The following STEAP3 variants were observed in gnomAD, a reference collection of about 807,000 sequenced individuals.
STEAP3 encodes the protein metalloreductase STEAP3.
In STEAP3, 35 loss-of-function variants were observed where a neutral mutation model predicts 34.9. The ratio of observed to expected loss-of-function variants is 1.00; its 90% CI spans 0.76 to 1.33. The LOEUF (loss-of-function observed/expected upper bound fraction) is 1.33, where lower values mean the gene tolerates loss of function less well. STEAP3 is among the 40% of genes most tolerant of loss of function. STEAP3 has a pLI of 0.00. For synonymous variants in STEAP3, 281 were observed against 301.6 expected (o/e 0.93, Z 0.71); for missense variants, 652 against 667.6 (o/e 0.98, Z 0.26).
rs902854053 is a variant in STEAP3 at position 119,246,106 on chromosome 2, A to G, written c.522+118A>G. On this transcript the variant is annotated intron_variant, in intron 3 of 5. Transcript: ENST00000393110. ...TCATAACTAATCCTGCATCACTGCA[A>G]AATTCCATTTTACAGAACAGGAAAT... 3.0e-6 allele frequency: 4 copies of G among 1,348,150 alleles called. No homozygotes were observed. The African/African-American group carries it at 5.8e-5, about 20-fold the overall frequency. The allele number at this position is 1,348,150 out of a possible 1,614,324, so 83.5% of individuals were successfully genotyped here.
At chr2:119,243,561 G>A (rs1677314488) in intron 2 of STEAP3, among the ~76,000 whole-genome samples, 1 of 152,206 alleles carries the variant, frequency 6.6e-6, no homozygotes, top group Admixed American at 6.5e-5. Context: ...GAGGACCAGA[G>A]GCCCATCACC....
rs934622234 is a variant in STEAP3, at chr2:119,265,332, G to A, written c.*1994G>A. 6.6e-6 allele frequency: 1 copy of A among 152,246 alleles called. No individual in the cohort carries two copies. The highest frequency in any genetic ancestry group is 2.4e-5 in the African/African-American group (1 of 41,438). The allele number at this position is 152,246 out of a possible 1,614,324, so 9.4% of individuals were successfully genotyped here. ...GCAATTATAAGGTGGGTGGCAGGAG[G>A]GAACAGGTGCCACCTGCTGGACAAT... On this transcript the variant is annotated 3_prime_UTR_variant, in exon 6 of 6. Coordinates refer to ENST00000393110, the MANE Select transcript of STEAP3 (RefSeq NM_182915.3).
chr2:119,249,478 G>A (rs773380275), intron 4 of STEAP3, among the ~76,000 whole-genome samples: 6 of 152,108 alleles, frequency 3.9e-5, no homozygotes, highest in Non-Finnish European at 7.4e-5. Context: ...ACTCCAGGAC[G>A]CTAGTCACCC....
intron 2 of STEAP3, among the ~76,000 whole-genome samples, chr2:119,238,972 G>C (rs777169927): frequency 6.6e-6 from 1 of 152,156 alleles, no homozygotes; most frequent in Non-Finnish European, 1.5e-5. Context: ...TCAGGGAAGT[G>C]GGGGCGGGGG....
chr2:119,258,618 T>C (rs1227742658), intron 5 of STEAP3, among the ~76,000 whole-genome samples: 1 of 115,538 alleles, frequency 8.7e-6, no homozygotes, highest in Non-Finnish European at 1.8e-5. Context: ...TTTTTTTTTT[T>C]TTTTTTTGAG....
At chr2:119,224,291 G>T (rs919182274) in intron 1 of STEAP3, among the ~76,000 whole-genome samples, 1 of 152,210 alleles carries the variant, frequency 6.6e-6, no homozygotes, top group Non-Finnish European at 1.5e-5. Context: ...AGCTGTGGGC[G>T]GGGATCTTCC....
chr2:119,237,423 T>C (rs1677123541), intron 2 of STEAP3, among the ~76,000 whole-genome samples: 1 of 152,028 alleles, frequency 6.6e-6, no homozygotes, highest in African/African-American at 2.4e-5. Context: ...AGGAAACTAA[T>C]ACAGTGAGAA....
intron 4 of STEAP3, among the ~76,000 whole-genome samples, 177 bp from the exon 5 acceptor site, chr2:119,254,507 G>A (rs1426923790): frequency 6.6e-6 from 1 of 152,132 alleles, no homozygotes; most frequent in Non-Finnish European, 1.5e-5. Flanking sequence ...TCTACTTTGT[G>A]GGGTGGTTTT....
intron 5 of STEAP3, 151 bp from the exon 6 acceptor site, chr2:119,262,906 A>G: frequency 1.0e-6 from 1 of 970,820 alleles, no homozygotes; most frequent in Non-Finnish European, 1.6e-6. Flanking sequence ...AGATCACACT[A>G]AGAGAGTGAC....
intron 2 of STEAP3, among the ~76,000 whole-genome samples, chr2:119,238,137 T>C (rs940866854): frequency 3.9e-5 from 6 of 152,238 alleles, no homozygotes; most frequent in Admixed American, 3.9e-4. Context: ...TTTGTGTGGA[T>C]ATACATTCTT....
chr2:119,233,841 GC>G (rs1478257673), intron 2 of STEAP3, among the ~76,000 whole-genome samples: 2 of 152,322 alleles, frequency 1.3e-5, no homozygotes, highest in East Asian at 3.9e-4. Flanking sequence ...TGGGACCCTG[GC>G]GAACATCAAA....
intron 5 of STEAP3, 38 bp from the exon 6 acceptor site, chr2:119,263,019 C>T (rs778232548): frequency 5.0e-6 from 8 of 1,591,424 alleles, no homozygotes; most frequent in Non-Finnish European, 6.8e-6. Flanking sequence ...CATCTGTCAT[C>T]CCCTCGCCCT....
Position 119,265,329 on chromosome 2 carries a change from G to A in STEAP3, c.*1991G>A, listed in dbSNP as rs566576109. On this transcript the variant is annotated 3_prime_UTR_variant, in exon 6 of 6. Coordinates refer to ENST00000393110, the MANE Select transcript of STEAP3 (RefSeq NM_182915.3). ...GAAGCAATTATAAGGTGGGTGGCAGGAGGGAACAGGTGCCACCTGCTGGAC... is the reference window on the plus strand; with the variant it reads ...GAAGCAATTATAAGGTGGGTGGCAGAAGGGAACAGGTGCCACCTGCTGGAC... The A allele has an allele frequency of 3.3e-5, 5 of 152,386 alleles. No homozygotes were observed. The highest frequency in any genetic ancestry group is 1.2e-4 in the African/African-American group (5 of 41,566). 9.4% of individuals were successfully genotyped at this position (152,386 alleles called of 1,614,324 possible).
chr2:119,250,559 G>C (rs991276084), intron 4 of STEAP3, among the ~76,000 whole-genome samples: 3 of 152,180 alleles, frequency 2.0e-5, no homozygotes, highest in Non-Finnish European at 4.4e-5. Flanking sequence ...TGCCCAGGAC[G>C]GGGCAGATCT....
chr2:119,240,737 GGCAGGCAGGTCT>G (rs1464597059), intron 2 of STEAP3, among the ~76,000 whole-genome samples: 1 of 152,202 alleles, frequency 6.6e-6, no homozygotes, highest in East Asian at 1.9e-4. Flanking sequence ...TGGGAGGAGA[GGCAGGCAGGTCT>G]GCAGGCAGGA....
chr2:119,260,793 C>A (rs148006284), intron 5 of STEAP3, among the ~76,000 whole-genome samples: 2 of 152,306 alleles, frequency 1.3e-5, no homozygotes, highest in Admixed American at 6.5e-5. Context: ...GAGGTGACCA[C>A]ATTAAAATGA....
chr2:119,227,836 A>ATTTT (rs1280239619), intron 1 of STEAP3, among the ~76,000 whole-genome samples: 1 of 151,128 alleles, frequency 6.6e-6, no homozygotes, highest in Non-Finnish European at 1.5e-5. Flanking sequence ...TTATTTATTT[A>ATTTT]TTTATTTTTT....
intron 2 of STEAP3, among the ~76,000 whole-genome samples, chr2:119,239,764 A>G (rs1360511728): frequency 6.6e-6 from 1 of 152,108 alleles, no homozygotes; most frequent in African/African-American, 2.4e-5. Context: ...ACTTTAGTCC[A>G]CTGCCTGGCC....
At chr2:119,244,469 C>T (rs965143046) in intron 2 of STEAP3, 1 of 151,602 alleles carries the variant, frequency 6.6e-6, no homozygotes, top group Non-Finnish European at 1.5e-5. Context: ...GAACTCCTGA[C>T]CTCAAGCGAT....
Sources: gnomAD v4.1 joint callset for allele counts (sites outside exome capture counted in the v4.1 genomes callset) on GRCh38, gnomAD v4.1.1 for gene constraint, MANE v1.5 for transcripts, NCBI Gene and HGNC (gene_info 2026-07-23, HGNC 2026-07-21) for gene names.